Variants in ACSM3 observed in about 807,000 individuals in gnomAD.
ACSM3 encodes acyl-CoA synthetase medium chain family member 3, also known as acyl-coenzyme A synthetase ACSM3, mitochondrial.
Under a neutral mutation model 74.1 loss-of-function variants are expected in ACSM3, and 61 were observed. The ratio of observed to expected loss-of-function variants is 0.82; its 90% CI spans 0.67 to 1.02. The LOEUF is 1.02. Among genes scored for constraint, ACSM3 ranks in the 50% least tolerant of loss-of-function variants. The probability of loss-of-function intolerance (pLI) is 0.00; values close to 1 mark genes in which losing one functional copy is unlikely to be tolerated. For missense variants in ACSM3, 660 were observed against 697.0 expected (o/e 0.95, Z 0.60); for synonymous variants, 213 against 241.5 (o/e 0.88, Z 1.09).
intron 1 of ACSM3, among the ~76,000 whole-genome samples, chr16:20,766,992 G>A (rs897910410): frequency 6.6e-6 from 1 of 152,094 alleles, no homozygotes; most frequent in African/African-American, 2.4e-5. Flanking sequence ...TCCTGGGAGT[G>A]AGAGCAAAGT....
rs2080439060 is a variant in ACSM3, at chr16:20,784,976, C to A, written c.1020-8C>A. Reference sequence around the variant, plus strand: ...TCCTAAATCTAACTTATCTGGTTTTCTGAGAAGCTATAAGTTTAAAAGCTT... The same window carrying A: ...TCCTAAATCTAACTTATCTGGTTTTATGAGAAGCTATAAGTTTAAAAGCTT... On this transcript the variant is annotated splice_polypyrimidine_tract_variant and splice_region_variant and intron_variant, in intron 7 of 13. Transcript: ENST00000289416. 1 of 1,606,634 alleles carries A rather than the reference C, an allele frequency of 6.2e-7. No homozygotes were observed. The highest frequency in any genetic ancestry group is 8.5e-7 in the Non-Finnish European group (1 of 1,177,422).
upstream of ACSM3, among the ~76,000 whole-genome samples, chr16:20,761,116 A>C (rs1186487224): frequency 2.0e-5 from 3 of 150,376 alleles, no homozygotes; most frequent in African/African-American, 7.4e-5. Flanking sequence ...TTTTTTTGAG[A>C]CGGAGTCTCA....
chr16:20,686,384 C>T (rs546031922), intron 1 of ACSM3, among the ~76,000 whole-genome samples: 15 of 152,092 alleles, frequency 9.9e-5, no homozygotes, highest in Middle Eastern at 3.4e-3. Flanking sequence ...CTGCAGAAAA[C>T]CAAACAAATG....
chr16:20,761,201 C>A (rs914833902), upstream of ACSM3, among the ~76,000 whole-genome samples: 4 of 152,138 alleles, frequency 2.6e-5, no homozygotes, highest in Admixed American at 6.5e-5. Flanking sequence ...CTCCACCTCC[C>A]AGGTTTGAGC....
intron 1 of ACSM3, among the ~76,000 whole-genome samples, chr16:20,699,248 T>C (rs2079706119): frequency 6.6e-6 from 1 of 152,204 alleles, no homozygotes; most frequent in Admixed American, 6.5e-5. Flanking sequence ...TTGCATTGGA[T>C]AAACCAAGGT....
chr16:20,791,425 C>T (rs941871946), intron 10 of ACSM3, among the ~76,000 whole-genome samples: 1 of 152,222 alleles, frequency 6.6e-6, no homozygotes, highest in African/African-American at 2.4e-5. Flanking sequence ...TTAGTTTACT[C>T]CTCTGAGCTA....
chr16:20,698,284 G>A (rs1015612014), intron 1 of ACSM3, among the ~76,000 whole-genome samples: 6 of 151,980 alleles, frequency 3.9e-5, no homozygotes, highest in African/African-American at 1.4e-4. Flanking sequence ...AGATCCAATG[G>A]TGCATTTTCA....
intron 1 of ACSM3, among the ~76,000 whole-genome samples, chr16:20,689,339 G>A (rs1276718124): frequency 6.6e-6 from 1 of 151,992 alleles, no homozygotes; most frequent in South Asian, 2.1e-4. Context: ...ATCAAAGTGT[G>A]TCACTACAAA....
intron 1 of ACSM3, chr16:20,690,968 T>C: frequency 6.3e-7 from 1 of 1,594,116 alleles, no homozygotes; most frequent in East Asian, 2.3e-5. Flanking sequence ...ACCCTTGTTC[T>C]TATATCGCCA....
chr16:20,736,444 A>G (rs932756699), intron 1 of ACSM3: 3 of 156,180 alleles, frequency 1.9e-5, no homozygotes, highest in African/African-American at 7.2e-5. Flanking sequence ...TCACTAAACA[A>G]TTCACTTCTA....
intron 1 of ACSM3, among the ~76,000 whole-genome samples, chr16:20,706,015 A>G (rs1331010616): frequency 6.6e-6 from 1 of 152,158 alleles, no homozygotes; most frequent in Non-Finnish European, 1.5e-5. Flanking sequence ...TTCAAAAGGA[A>G]TTAGCAGTCT....
At chr16:20,727,374 A>T in intron 1 of ACSM3, 1 of 586,592 alleles carries the variant, frequency 1.7e-6, no homozygotes, top group Non-Finnish European at 3.2e-6. Flanking sequence ...GCACTGCTTG[A>T]CAGGAGGGGA....
intron 2 of ACSM3, among the ~76,000 whole-genome samples, chr16:20,752,566 G>A (rs1469809274): frequency 6.6e-6 from 1 of 152,172 alleles, no homozygotes; most frequent in African/African-American, 2.4e-5. Context: ...AATCACTTAT[G>A]TCGGAATCCT....
chr16:20,767,865 T>TG, intron 1 of ACSM3, among the ~76,000 whole-genome samples: 1 of 152,256 alleles, frequency 6.6e-6, no homozygotes, highest in East Asian at 1.9e-4. Flanking sequence ...TTTTAATGGT[T>TG]GAAAAAATAA....
intron 9 of ACSM3, among the ~76,000 whole-genome samples, chr16:20,788,578 C>T (rs2080525815): frequency 6.6e-6 from 1 of 152,190 alleles, no homozygotes. Flanking sequence ...AACATTCTGG[C>T]ATCTGGGGAT....
At position 20,707,359 on chromosome 16, in the gene ACSM3, C is replaced by T. The variant is rs146306073; in HGVS notation, c.-190+32537C>T. Among the ~76,000 whole-genome samples, 21 of 152,238 alleles carry T rather than the reference C, an allele frequency of 1.4e-4. 1 individual carries two copies. The highest frequency in any genetic ancestry group is 5.8e-4 in the East Asian group (3 of 5,182). On this transcript the variant is annotated intron_variant, in intron 1 of 3. Coordinates refer to the ACSM3 transcript ENST00000561584. ...TGAAGCAGCCCTGCAACTTGGTTTC[C>T]GCCCCTCTCAGCTGCAGACTGGAGC...
Position 20,781,080 on chromosome 16 carries a change from T to G in ACSM3, c.889T>G (p.Cys297Gly). ...SVFSPWIQGA[C>G]VFTHHLPRFE... The stretch of plus-strand genomic sequence containing the variant: ...TTTTTCTCCGTGGATCCAGGGAGCA[T>G]GTGTATTCACACACCATTTACCCCG... Residue 297 changes from cysteine (C) to glycine (G), a missense_variant, in exon 6 of 14, where the codon TGT becomes GGT. By Grantham distance (159) the Cys-to-Gly change is radical (BLOSUM62 -3). Transcript: ENST00000289416. The G allele has an allele frequency of 6.2e-7, 1 of 1,614,184 alleles. No homozygotes were observed. The highest frequency in any genetic ancestry group is 8.5e-7 in the Non-Finnish European group (1 of 1,180,028).
At chr16:20,731,942 C>T (rs1228282630) in intron 1 of ACSM3, among the ~76,000 whole-genome samples, 4 of 152,156 alleles carry the variant, frequency 2.6e-5, no homozygotes, top group African/African-American at 9.7e-5. Context: ...CTCTGCAATA[C>T]TGAATCACTA....
chr16:20,785,244 T>G, intron 8 of ACSM3, 137 bp downstream of exon 8: 1 of 1,224,866 alleles, frequency 8.2e-7, no homozygotes, highest in Admixed American at 2.7e-5. Context: ...AAACAATGCT[T>G]GCAAGAACCT....
Sources: gnomAD v4.1 joint callset for allele counts (sites outside exome capture counted in the v4.1 genomes callset) on GRCh38, gnomAD v4.1.1 for gene constraint, MANE v1.5 for transcripts, NCBI Gene and HGNC (gene_info 2026-07-23, HGNC 2026-07-21) for gene names.